The following POSTN variants were observed in gnomAD, a reference collection of about 807,000 sequenced individuals.
The protein encoded by POSTN is periostin.
Under a neutral mutation model 104.5 loss-of-function variants are expected in POSTN, and 71 were observed. That is an observed-to-expected ratio of 0.68 (90% CI 0.56 to 0.83). The LOEUF (loss-of-function observed/expected upper bound fraction) is 0.83. POSTN is among the 40% of genes least tolerant of loss of function. POSTN has a pLI of 0.00. For missense variants in POSTN, 949 were observed against 1,006.8 expected (o/e 0.94, Z 0.78); for synonymous variants, 355 against 340.7 (o/e 1.04, Z -0.46).
intron 17 of POSTN, 150 bp from the exon 18 acceptor site, chr13:37,571,608 T>C (rs1217218070): frequency 1.5e-5 from 8 of 541,158 alleles, no homozygotes; most frequent in South Asian, 7.8e-5. Flanking sequence ...ATATTTCCCA[T>C]TGTCTTCAAA....
rs1469760383 is a variant in POSTN at position 37,597,221 on chromosome 13, T to G, written c.181A>C (p.Lys61Gln). ...CAGATGGACTTTTTATACCAGTTCT[T>G]ACAAGTGCTGAAGTATTTCTTTTTG... is the stretch of plus-strand genomic sequence containing the variant. ...GTKKKYFSTC[K>Q]NWYKKSICGQ... The change falls in exon 2 of 23, where the codon AAG (lysine) becomes CAG (glutamine). Residue 61 changes from lysine (K) to glutamine (Q), a missense_variant. Transcript: ENST00000379747. The G allele has an allele frequency of 1.9e-6, 3 of 1,584,210 alleles. No homozygotes were observed. Among genetic ancestry groups the G allele is most frequent in the Non-Finnish European group, 2.6e-6 (3 of 1,169,474 alleles).
At chr13:37,597,678 G>T (rs1951123327) in intron 1 of POSTN, among the ~76,000 whole-genome samples, 1 of 152,042 alleles carries the variant, frequency 6.6e-6, no homozygotes, top group Non-Finnish European at 1.5e-5. Flanking sequence ...AGGGCTCTCT[G>T]GAACAATGAG....
chr13:37,590,189 T>C lies in POSTN; in HGVS notation c.441+183A>G, dbSNP rs184440144. Among the ~76,000 whole-genome samples, 160 of 152,262 alleles carry C rather than the reference T, an allele frequency of 1.1e-3. 2 individuals are homozygous for C. The highest frequency in any genetic ancestry group is 3.7e-3 in the African/African-American group (154 of 41,546). Reference sequence around the variant, plus strand: ...ATTAAAGTATAAGTCTCCTGGAGATTTATTCTATTTACGGATGTATTAAGA... The same window carrying C: ...ATTAAAGTATAAGTCTCCTGGAGATCTATTCTATTTACGGATGTATTAAGA... On this transcript the variant is annotated intron_variant, in intron 4 of 22. Transcript: ENST00000379747.
At chr13:37,595,103 C>A (rs568939206) in intron 2 of POSTN, among the ~76,000 whole-genome samples, 1 of 150,236 alleles carries the variant, frequency 6.7e-6, no homozygotes, top group Admixed American at 6.6e-5. Flanking sequence ...TCTGTACAAG[C>A]CTTGACATCT....
chr13:37,569,227 T>C, intron 21 of POSTN, 73 bp downstream of exon 21: 1 of 1,075,096 alleles, frequency 9.3e-7, no homozygotes, highest in Non-Finnish European at 1.4e-6. Context: ...AAAATCTGCT[T>C]GCTCAGTCTT....
chr13:37,564,190 A>ACAAAACAT (rs1253322554), intron 22 of POSTN, among the ~76,000 whole-genome samples: 1,511 of 27,096 alleles, frequency 0.056, 31 homozygotes, highest in African/African-American at 0.11. Context: ...ACATATATAT[A>ACAAAACAT]TATATATATA....
intron 22 of POSTN, among the ~76,000 whole-genome samples, chr13:37,563,777 AAATTCCAAACTTGC>A (rs990016472): frequency 6.6e-6 from 1 of 151,968 alleles, no homozygotes; most frequent in Non-Finnish European, 1.5e-5. Context: ...ATTAACCCAG[AAATTCCAAACTTGC>A]AATTCCAAAC....
intron 11 of POSTN, 73 bp from the exon 12 acceptor site, chr13:37,580,064 G>C: frequency 7.3e-7 from 1 of 1,362,790 alleles, no homozygotes; most frequent in Non-Finnish European, 1.0e-6. Flanking sequence ...GCATGTAATA[G>C]AATAGAATCC....
At chr13:37,587,156 A>G (rs188801827) in intron 5 of POSTN, among the ~76,000 whole-genome samples, 1 of 152,330 alleles carries the variant, frequency 6.6e-6, no homozygotes, top group East Asian at 1.9e-4. Flanking sequence ...CATACTTAAC[A>G]TATCTAGCAA....
chr13:37,597,228 G>A lies in POSTN; in HGVS notation c.174C>T (p.Ser58=), dbSNP rs1951111292. The change falls in exon 2 of 23, where the codon AGC becomes AGT. Residue 58 remains serine, a synonymous_variant. Coordinates refer to ENST00000379747, the MANE Select transcript of POSTN (RefSeq NM_006475.3). The part of the protein sequence containing the change: ...QILGTKKKYF[S]TCKNWYKKSI... ...ACTTTTTATACCAGTTCTTACAAGTGCTGAAGTATTTCTTTTTGGTGCCCA... is the reference window on the plus strand; with the variant it reads ...ACTTTTTATACCAGTTCTTACAAGTACTGAAGTATTTCTTTTTGGTGCCCA... The A allele has an allele frequency of 6.3e-7, 1 of 1,586,792 alleles. No individual in the cohort carries two copies. Among genetic ancestry groups the A allele is most frequent in the East Asian group, 2.3e-5 (1 of 43,318 alleles).
At chr13:37,583,443 G>GT (rs5802885) in intron 9 of POSTN, among the ~76,000 whole-genome samples, 65,422 of 127,148 alleles carry the variant, frequency 0.51, 17,513 homozygotes, top group East Asian at 0.85. Flanking sequence ...TTTAAGTTTC[G>GT]TTTTTTTTTT....
At position 37,582,420 on chromosome 13, in the gene POSTN, C is replaced by T; in HGVS notation, c.1338G>A (p.Gly446=). The change falls in exon 10 of 23, where the codon GGG becomes GGA. Residue 446 remains glycine, a synonymous_variant. Transcript: ENST00000379747. ...TGCCTCCGATGGTTTCCAGTATTTG[C>T]CCGTTGTAAAGCTCATTAAGGCCAA... ...VKVGLNELYN[G]QILETIGGKQ... 3.1e-6 allele frequency: 5 copies of T among 1,613,820 alleles called. No homozygotes were observed. The highest frequency in any genetic ancestry group is 4.2e-6 in the Non-Finnish European group (5 of 1,179,876).
In POSTN at chr13:37,590,459, G is replaced by T; in HGVS notation, c.354C>A (p.Asp118Glu). 3 of 1,613,418 alleles carry T rather than the reference G, an allele frequency of 1.9e-6. No homozygotes were observed. The highest frequency in any genetic ancestry group is 2.5e-6 in the Non-Finnish European group (3 of 1,179,590). Reference protein sequence around the residue: ...VGATTTQRYSDASKLREEIEG... With the variant: ...VGATTTQRYSEASKLREEIEG... ...CGATCTCCTCCCTCAGTTTTGAGGC[G>T]TCAGAATAGCGCTGCGTTGTGGTGG... is the stretch of plus-strand genomic sequence containing the variant. The change falls in exon 4 of 23, where the codon GAC becomes GAA. Residue 118 changes from aspartate (D) to glutamate (E), a missense_variant. Physicochemically the swap from Asp to Glu is conservative, Grantham distance 45 (BLOSUM62 2). Coordinates refer to ENST00000379747, the MANE Select transcript of POSTN (RefSeq NM_006475.3).
At position 37,578,825 on chromosome 13, in the gene POSTN, A is replaced by G. The variant is rs781404826; in HGVS notation, c.1962+19T>C. 5.9e-6 allele frequency: 9 copies of G among 1,534,298 alleles called. No homozygotes were observed. Among genetic ancestry groups the G allele is most frequent in the Non-Finnish European group, 7.9e-6 (9 of 1,144,756 alleles). On this transcript the variant is annotated intron_variant, in intron 15 of 22. Coordinates refer to ENST00000379747, the MANE Select transcript of POSTN (RefSeq NM_006475.3). ...AAAAAAAAAAAAAAAAAAGAAATAA[A>G]TCAAGTAACTTTTAGTACCTTAATT...
chr13:37,596,287 C>T (rs961445203), intron 2 of POSTN, among the ~76,000 whole-genome samples: 3 of 152,108 alleles, frequency 2.0e-5, no homozygotes, highest in African/African-American at 7.2e-5. Flanking sequence ...CAGGAAGGAG[C>T]CACTTGCACT....
At chr13:37,592,381 C>T (rs976253465) in intron 2 of POSTN, among the ~76,000 whole-genome samples, 4 of 152,138 alleles carry the variant, frequency 2.6e-5, no homozygotes, top group Non-Finnish European at 4.4e-5. Context: ...TCACTGCAAG[C>T]TCCGCCTCTC....
chr13:37,591,904 C>T (rs1042558408), intron 3 of POSTN, among the ~76,000 whole-genome samples, 196 bp downstream of exon 3: 13 of 152,060 alleles, frequency 8.5e-5, no homozygotes, highest in Non-Finnish European at 1.5e-4. Context: ...TTGTATTGCC[C>T]AGCATCCAGT....
At position 37,563,217 on chromosome 13, in the gene POSTN, G is replaced by T; in HGVS notation, c.*116C>A. On this transcript the variant is annotated 3_prime_UTR_variant, in exon 23 of 23. Transcript: ENST00000379747. ...AAATTTGTGTTCAGAATTATTTGATGATTGCTTCTTTGTGCTGATGTTTCA... is the reference window on the plus strand; with the variant it reads ...AAATTTGTGTTCAGAATTATTTGATTATTGCTTCTTTGTGCTGATGTTTCA... 1.8e-6 allele frequency: 1 copy of T among 544,442 alleles called. No homozygotes were observed. The highest frequency in any genetic ancestry group is 3.2e-6 in the Non-Finnish European group (1 of 309,928). 33.7% of individuals were successfully genotyped at this position (544,442 alleles called of 1,614,324 possible). A position where few individuals can be genotyped will look rare whatever the true frequency, so the allele number is the denominator to read the frequency against.
intron 17 of POSTN, among the ~76,000 whole-genome samples, chr13:37,572,818 C>G (rs1358301218): frequency 6.6e-6 from 1 of 151,530 alleles, no homozygotes; most frequent in African/African-American, 2.4e-5. Context: ...ATCAATAAAT[C>G]TGTAATTGTT....
Sources: gnomAD v4.1 joint callset for allele counts (sites outside exome capture counted in the v4.1 genomes callset) on GRCh38, gnomAD v4.1.1 for gene constraint, MANE v1.5 for transcripts, NCBI Gene and HGNC (gene_info 2026-07-23, HGNC 2026-07-21) for gene names.